Variants in TAFA2 observed in about 807,000 individuals in gnomAD.
The protein encoded by TAFA2 is TAFA chemokine like family member 2.
TAFA2 carries 7 observed loss-of-function variants against 18.8 expected under a neutral mutation model. That is an observed-to-expected ratio of 0.37 (90% CI 0.21 to 0.70). The LOEUF (loss-of-function observed/expected upper bound fraction) is 0.70, where lower values mean the gene tolerates loss of function less well. Among genes scored for constraint, TAFA2 ranks in the 30% least tolerant of loss-of-function variants. TAFA2 has a pLI of 0.53. For missense variants in TAFA2, 122 were observed against 158.1 expected, an observed-to-expected ratio of 0.77 and a Z score of 1.23; for synonymous variants, 60 against 54.2, an observed-to-expected ratio of 1.11 and a Z score of -0.47.
chr12:61,988,502 TC>T (rs1447331723), intron 1 of TAFA2, among the ~76,000 whole-genome samples: 1 of 152,184 alleles, frequency 6.6e-6, no homozygotes, highest in Non-Finnish European at 1.5e-5. Flanking sequence ...AAATGATACT[TC>T]CTTTGGAAGA....
intron 2 of TAFA2, among the ~76,000 whole-genome samples, chr12:61,761,835 A>G (rs1869561022): frequency 6.6e-6 from 1 of 152,078 alleles, no homozygotes; most frequent in Admixed American, 6.6e-5. Context: ...CTCAAATCCC[A>G]TGCTGAAATG....
At position 62,139,453 on chromosome 12, in the gene TAFA2, A is replaced by G. The variant is rs61007725; in HGVS notation, c.-2+51806T>C. On this transcript the variant is annotated intron_variant, in intron 1 of 4. Transcript: ENST00000416284. ...TGTTCTTAGTGGAAAAGCAAAATAC[A>G]AAATTTTATAATAGAATGTGAGAAT... Among the ~76,000 whole-genome samples the G allele has an allele frequency of 2.8e-3, 420 of 152,364 alleles. 1 individual carries two copies. The highest frequency in any genetic ancestry group is 9.9e-3 in the African/African-American group (411 of 41,582).
intron 2 of TAFA2, among the ~76,000 whole-genome samples, chr12:61,763,560 C>T (rs1004157348): frequency 6.6e-6 from 1 of 151,816 alleles, no homozygotes; most frequent in African/African-American, 2.4e-5. Context: ...TGTCCAGCAA[C>T]TTCTGCTTGT....
intron 1 of TAFA2, among the ~76,000 whole-genome samples, chr12:61,963,630 C>T (rs1220199643): frequency 6.6e-6 from 1 of 151,768 alleles, no homozygotes; most frequent in African/African-American, 2.4e-5. Context: ...AATTTTCTCC[C>T]ATTCTGTAGA....
chr12:61,893,122 G>A (rs957955437), intron 1 of TAFA2, among the ~76,000 whole-genome samples: 4 of 152,122 alleles, frequency 2.6e-5, no homozygotes, highest in Admixed American at 1.3e-4. Flanking sequence ...AGAAGAATAT[G>A]GTTTCACAGA....
At chr12:62,175,747 G>A (rs943905306) in intron 1 of TAFA2, among the ~76,000 whole-genome samples, 1 of 151,888 alleles carries the variant, frequency 6.6e-6, no homozygotes, top group African/African-American at 2.4e-5. Context: ...TAATTCTAAA[G>A]CACAATCTAT....
At chr12:61,776,081 C>A in intron 2 of TAFA2, 3 of 441,178 alleles carry the variant, frequency 6.8e-6, no homozygotes, top group South Asian at 1.9e-5. Context: ...AAATGCCCCA[C>A]TAATGCTACC....
chr12:62,228,245 G>A (rs116819589), intron 1 of TAFA2, among the ~76,000 whole-genome samples: 107 of 152,124 alleles, frequency 7.0e-4, no homozygotes, highest in African/African-American at 2.5e-3. Context: ...CCATGTGTAC[G>A]GAATGTTTAG....
chr12:62,210,118 G>A (rs1332687671), intron 1 of TAFA2, among the ~76,000 whole-genome samples: 7 of 151,814 alleles, frequency 4.6e-5, no homozygotes, highest in African/African-American at 1.7e-4. Context: ...CCCAGGAGGC[G>A]GAGCTTGCAG....
chr12:61,833,698 G>A (rs962834110), intron 2 of TAFA2, among the ~76,000 whole-genome samples: 3 of 151,558 alleles, frequency 2.0e-5, no homozygotes, highest in African/African-American at 7.3e-5. Context: ...CTTCCTCTGT[G>A]ACTATAATCC....
chr12:62,078,390 G>A (rs980167493), intron 1 of TAFA2, among the ~76,000 whole-genome samples: 10 of 142,166 alleles, frequency 7.0e-5, no homozygotes, highest in African/African-American at 2.7e-4. Context: ...CTATGCACAC[G>A]TACCCTAAAA....
chr12:62,193,985 G>C (rs1444712828), upstream of TAFA2, among the ~76,000 whole-genome samples: 1 of 152,086 alleles, frequency 6.6e-6, no homozygotes, highest in Non-Finnish European at 1.5e-5. Context: ...GTAACTAATT[G>C]CTCTATGGCA....
At chr12:61,787,333 A>T (rs1870781430) in intron 2 of TAFA2, among the ~76,000 whole-genome samples, 1 of 151,610 alleles carries the variant, frequency 6.6e-6, no homozygotes, top group African/African-American at 2.4e-5. Context: ...CTCAAAGCCA[A>T]GAACAATAAT....
chr12:62,118,250 C>T (rs1175747373), intron 1 of TAFA2, among the ~76,000 whole-genome samples: 3 of 151,972 alleles, frequency 2.0e-5, no homozygotes, highest in African/African-American at 7.2e-5. Context: ...TTTTTTAGAA[C>T]TTGCTATTTT....
chr12:62,087,968 C>T (rs1012086118), intron 1 of TAFA2, among the ~76,000 whole-genome samples: 6 of 152,048 alleles, frequency 3.9e-5, no homozygotes, highest in African/African-American at 1.2e-4. Flanking sequence ...CCCTGTTTCC[C>T]TGGGACAGAG....
chr12:62,032,614 T>C (rs759882978), intron 1 of TAFA2, among the ~76,000 whole-genome samples: 8 of 152,094 alleles, frequency 5.3e-5, no homozygotes, highest in Non-Finnish European at 7.4e-5. Flanking sequence ...TTGTTTAAGT[T>C]CCATAGGAAT....
At chr12:61,995,744 C>T (rs572152345) in intron 1 of TAFA2, among the ~76,000 whole-genome samples, 10 of 152,170 alleles carry the variant, frequency 6.6e-5, no homozygotes, top group East Asian at 3.9e-4. Context: ...GCAGTTGTTA[C>T]GGCTTAGGGT....
At position 62,116,377 on chromosome 12, in the gene TAFA2, C is replaced by T. The variant is rs138123510; in HGVS notation, c.-2+74882G>A. Among the ~76,000 whole-genome samples, 291 of 152,320 alleles carry T rather than the reference C, an allele frequency of 1.9e-3. 1 individual carries two copies. Among genetic ancestry groups the T allele is most frequent in the African/African-American group, 6.4e-3 (268 of 41,576 alleles). On this transcript the variant is annotated intron_variant, in intron 1 of 4. Transcript: ENST00000416284. ...CGTAGTGGTTCTAAATATAAGCCCA[C>T]AATCATTATCACAACGACAGATGCT...
chr12:61,722,543 G>A (rs1207947153), intron 4 of TAFA2, among the ~76,000 whole-genome samples: 1 of 152,102 alleles, frequency 6.6e-6, no homozygotes, highest in Admixed American at 6.6e-5. Flanking sequence ...AAATTTAGGA[G>A]AGTTTCAGTT....
Sources: allele counts gnomAD v4.1 joint callset (sites outside exome capture counted in the v4.1 genomes callset), GRCh38; gene constraint gnomAD v4.1.1; transcripts MANE v1.5; gene names NCBI Gene and HGNC (gene_info 2026-07-23, HGNC 2026-07-21).